The following DNAH17 variants were observed in gnomAD, a reference collection of about 807,000 sequenced individuals.
DNAH17 encodes axonemal beta dynein heavy chain 17.
In DNAH17, 376 loss-of-function variants were observed where a neutral mutation model predicts 485.6. The observed-to-expected ratio is 0.77, with a 90% CI of 0.71 to 0.84. The LOEUF (loss-of-function observed/expected upper bound fraction) is 0.84, where lower values mean the gene tolerates loss of function less well. Ranked by LOEUF, DNAH17 falls within the 40% of genes least tolerant of loss-of-function variation. DNAH17 has a pLI of 0.00. For missense variants in DNAH17, 6,370 were observed against 5,839.3 expected, an observed-to-expected ratio of 1.09 and a Z score of -2.96; for synonymous variants, 3,031 against 2,405.9, an observed-to-expected ratio of 1.26 and a Z score of -7.60.
chr17:78,538,138 CAAAAAAAAAAAA>C (rs60460125), intron 18 of DNAH17, among the ~76,000 whole-genome samples: 2 of 106,282 alleles, frequency 1.9e-5, no homozygotes, highest in Middle Eastern at 5.1e-3. Context: ...ACTCTGTCTC[CAAAAAAAAAAAA>C]AAAAAAAAAA....
At chr17:78,570,870 AAAAAAAAAG>A (rs1188031338) in intron 6 of DNAH17, 69 bp downstream of exon 6, 9 of 759,308 alleles carry the variant, frequency 1.2e-5, no homozygotes, top group African/African-American at 1.1e-4. Flanking sequence ...AAAAAAAAAA[AAAAAAAAAG>A]AAAAAAGAAA....
At chr17:78,468,532 C>T in intron 55 of DNAH17, 85 bp downstream of exon 55, 1 of 1,477,126 alleles carries the variant, frequency 6.8e-7, no homozygotes, top group Non-Finnish European at 9.1e-7. Context: ...AGTCCTCCTG[C>T]TCTATGCAGA....
intron 20 of DNAH17, among the ~76,000 whole-genome samples, chr17:78,530,822 C>T (rs2091214893): frequency 6.6e-6 from 1 of 152,194 alleles, no homozygotes; most frequent in South Asian, 2.1e-4. Context: ...AGGTCACAGG[C>T]TCCTAAAGGG....
rs944934430 is a variant in DNAH17 at position 78,485,406 on chromosome 17, G to A, written c.7483+144C>T. 1.8e-5 allele frequency: 15 copies of A among 820,402 alleles called. No homozygotes were observed. In the African/African-American group the frequency reaches 1.9e-4, roughly 10 times the overall value. The allele number at this position is 820,402 out of a possible 1,614,324, so 50.8% of individuals were successfully genotyped here. A position where few individuals can be genotyped will look rare whatever the true frequency, so the allele number is the denominator to read the frequency against. ...TCCTCCTCTGTCTCCGACTCAGGAA[G>A]GAAAGGCCAGCGGGTGGGGCATGGG... On this transcript the variant is annotated intron_variant, in intron 47 of 80. Transcript: ENST00000389840.
In DNAH17 at chr17:78,543,914, G is replaced by T; in HGVS notation, c.2475C>A (p.Leu825=). ...LLDLDGRIAN[L]NKRYAAVRDA... Reference sequence around the variant, plus strand: ...CCCTGACTGCTGCGTAGCGCTTGTTGAGGTTGGCAATTCTTCCATCCAAGT... The same window carrying T: ...CCCTGACTGCTGCGTAGCGCTTGTTTAGGTTGGCAATTCTTCCATCCAAGT... Residue 825 remains leucine, a synonymous_variant, in exon 17 of 81, where the codon CTC becomes CTA. Coordinates refer to ENST00000389840, the MANE Select transcript of DNAH17 (RefSeq NM_173628.4). The T allele has an allele frequency of 6.2e-7, 1 of 1,614,042 alleles. No homozygotes were observed. Among genetic ancestry groups the T allele is most frequent in the Non-Finnish European group, 8.5e-7 (1 of 1,179,906 alleles).
intron 73 of DNAH17, among the ~76,000 whole-genome samples, chr17:78,438,304 T>C (rs1163689495): frequency 6.8e-6 from 1 of 147,186 alleles, no homozygotes; most frequent in African/African-American, 2.5e-5. Context: ...CAAGCGGTAG[T>C]GAGAAGGGGT....
At chr17:78,530,746 G>C (rs1047041034) in intron 20 of DNAH17, among the ~76,000 whole-genome samples, 2 of 152,170 alleles carry the variant, frequency 1.3e-5, no homozygotes, top group African/African-American at 4.8e-5. Context: ...ATCAGAAAGG[G>C]GCAGAAGGGG....
chr17:78,468,928 C>G (rs1446007318), intron 54 of DNAH17, 45 bp from the exon 55 acceptor site: 3 of 1,579,716 alleles, frequency 1.9e-6, no homozygotes, highest in Non-Finnish European at 2.6e-6. Flanking sequence ...TAAAAAGATG[C>G]TCAATTAGAG....
chr17:78,471,988 G>A (rs1323618307), intron 54 of DNAH17, among the ~76,000 whole-genome samples: 1 of 152,126 alleles, frequency 6.6e-6, no homozygotes, highest in Non-Finnish European at 1.5e-5. Flanking sequence ...TCTTGGTTGA[G>A]AGCCCCATGG....
At chr17:78,494,853 A>C (rs2146687425) in intron 39 of DNAH17, 33 bp from the exon 40 acceptor site, 2 of 1,576,092 alleles carry the variant, frequency 1.3e-6, no homozygotes, top group South Asian at 2.3e-5. Flanking sequence ...GGCAGACGTG[A>C]GCTCACCTTC....
At chr17:78,424,241 G>GC (rs2086290813) in intron 80 of DNAH17, 88 bp from the exon 81 acceptor site, 3 of 1,471,502 alleles carry the variant, frequency 2.0e-6, no homozygotes, top group Non-Finnish European at 2.7e-6. Flanking sequence ...CACACTCCCC[G>GC]CCCTCTGCAG....
chr17:78,480,710 A>C lies in DNAH17; in HGVS notation c.7726T>G (p.Ser2576Ala). 6.2e-7 allele frequency: 1 copy of C among 1,613,734 alleles called. No homozygotes were observed. The highest frequency in any genetic ancestry group is 8.5e-7 in the Non-Finnish European group (1 of 1,179,796). The change falls in exon 49 of 81, where the codon TCC becomes GCC. Residue 2576 changes from serine to alanine, a missense_variant. Coordinates refer to ENST00000389840, the MANE Select transcript of DNAH17 (RefSeq NM_173628.4). ...YVACMNPTSGSFTIDSRLQRH... is the reference protein window; with the variant it reads ...YVACMNPTSGAFTIDSRLQRH... Reference sequence around the variant, plus strand: ...TGAAGCCTGGAGTCGATGGTGAAGGATCCGGAAGTGGGGTTCATGCAGGCC... The same window carrying C: ...TGAAGCCTGGAGTCGATGGTGAAGGCTCCGGAAGTGGGGTTCATGCAGGCC...
intron 62 of DNAH17, among the ~76,000 whole-genome samples, chr17:78,457,191 T>G (rs971949206): frequency 4.6e-5 from 7 of 152,154 alleles, no homozygotes; most frequent in African/African-American, 1.7e-4. Context: ...GCCAACATGG[T>G]GAAACCCTGT....
rs371770286 is a variant in DNAH17, at chr17:78,529,475, C to T, written c.3504G>A (p.Leu1168=). ...EEMPEEIHLK[L]QELPEHWANT... The stretch of plus-strand genomic sequence containing the variant: ...GCCACACCCACCCACCACGTACCTG[C>T]AGCTTCAAGTGGATCTCCTCTGGCA... Residue 1168 remains leucine (L), a synonymous_variant, in exon 22 of 81, where the codon CTG becomes CTA. Transcript: ENST00000389840. The T allele has an allele frequency of 2.2e-4, 362 of 1,613,748 alleles. 1 individual carries two copies. Among genetic ancestry groups the T allele is most frequent in the Non-Finnish European group, 1.1e-4 (135 of 1,179,790 alleles).
At chr17:78,546,310 C>T (rs1256813485) in intron 16 of DNAH17, among the ~76,000 whole-genome samples, 2 of 152,206 alleles carry the variant, frequency 1.3e-5, no homozygotes, top group Non-Finnish European at 2.9e-5. Flanking sequence ...ATCATTTTAT[C>T]TTCAACCTTT....
Position 78,569,150 on chromosome 17 carries a change from C to T in DNAH17, c.1284+16G>A, listed in dbSNP as rs201977037. 3,223 of 1,577,464 alleles carry T rather than the reference C, an allele frequency of 2.0e-3. 38 individuals are homozygous for T. Among genetic ancestry groups the T allele is most frequent in the East Asian group, 1.7e-3 (76 of 43,584 alleles). On this transcript the variant is annotated intron_variant, in intron 9 of 80. Coordinates refer to ENST00000389840, the MANE Select transcript of DNAH17 (RefSeq NM_173628.4). The stretch of plus-strand genomic sequence containing the variant: ...CTGGGAAGTGGAGGTCAAGATGCAC[C>T]GAGTTCTGTTTTTACCTCAATGGTC...
intron 3 of DNAH17, among the ~76,000 whole-genome samples, chr17:78,572,453 G>C (rs1356843387): frequency 6.6e-6 from 1 of 152,118 alleles, no homozygotes; most frequent in African/African-American, 2.4e-5. Context: ...CCAGCGGGGG[G>C]TGTGGGGTGC....
At chr17:78,518,655 T>C (rs928559190) in intron 25 of DNAH17, among the ~76,000 whole-genome samples, 7 of 152,330 alleles carry the variant, frequency 4.6e-5, no homozygotes, top group African/African-American at 1.7e-4. Flanking sequence ...CAGGATCTAA[T>C]TGACACGTAT....
At chr17:78,553,293 T>G (rs1231259492) in intron 14 of DNAH17, among the ~76,000 whole-genome samples, 4 of 42,124 alleles carry the variant, frequency 9.5e-5, no homozygotes, top group African/African-American at 2.5e-4. Flanking sequence ...GTTTTTTTTT[T>G]TTTTTTTTTT....
Sources: allele counts gnomAD v4.1 joint callset (sites outside exome capture counted in the v4.1 genomes callset), GRCh38; gene constraint gnomAD v4.1.1; transcripts MANE v1.5; gene names NCBI Gene and HGNC (gene_info 2026-07-23, HGNC 2026-07-21).